The following TMEM135 variants were observed in gnomAD, a reference collection of about 807,000 sequenced individuals.
TMEM135 encodes the protein peroxisomal membrane protein 52.
In TMEM135, 30 loss-of-function variants were observed where a neutral mutation model predicts 60.3. The ratio of observed to expected loss-of-function variants is 0.50; its 90% CI spans 0.37 to 0.68. TMEM135 has a LOEUF of 0.68. Ranked by LOEUF, TMEM135 falls within the 30% of genes least tolerant of loss-of-function variation. The pLI is 0.00. For synonymous variants in TMEM135, 190 were observed against 186.7 expected (o/e 1.02, Z -0.14); for missense variants, 468 against 548.8 (o/e 0.85, Z 1.47).
At chr11:87,138,533 C>T (rs938430432) in intron 4 of TMEM135, among the ~76,000 whole-genome samples, 2 of 152,202 alleles carry the variant, frequency 1.3e-5, no homozygotes, top group Non-Finnish European at 1.5e-5. Flanking sequence ...ACTTACTTGA[C>T]ATAGTCCAAA....
chr11:87,240,223 T>A lies in TMEM135; in HGVS notation c.509+3539T>A, dbSNP rs138333933. On this transcript the variant is annotated intron_variant, in intron 6 of 14. Transcript: ENST00000305494. ...GGATTACAAGGGAAGGTGAAATATA[T>A]CCTGAGGATGTTTTGAAAGAGCTTT... Among the ~76,000 whole-genome samples, 838 of 152,216 alleles carry A rather than the reference T, an allele frequency of 5.5e-3. 8 individuals carry two copies. The highest frequency in any genetic ancestry group is 0.019 in the African/African-American group (793 of 41,542).
At chr11:87,208,490 A>C (rs982447494) in intron 5 of TMEM135, among the ~76,000 whole-genome samples, 5 of 152,044 alleles carry the variant, frequency 3.3e-5, no homozygotes, top group African/African-American at 1.2e-4. Flanking sequence ...CCACTCCTTT[A>C]AGCACGCATG....
At chr11:87,214,840 CA>C (rs1940462404) in intron 5 of TMEM135, among the ~76,000 whole-genome samples, 3 of 152,038 alleles carry the variant, frequency 2.0e-5, no homozygotes, top group Admixed American at 2.0e-4. Flanking sequence ...TGTTAGCAGC[CA>C]AAGTATGCAT....
chr11:87,254,635 C>T (rs1941485410), intron 6 of TMEM135, among the ~76,000 whole-genome samples: 1 of 152,098 alleles, frequency 6.6e-6, no homozygotes, highest in African/African-American at 2.4e-5. Context: ...AGTGCCAATG[C>T]TACTATAGAA....
intron 1 of TMEM135, among the ~76,000 whole-genome samples, chr11:87,059,560 C>G (rs1949926412): frequency 6.6e-6 from 1 of 152,108 alleles, no homozygotes; most frequent in Non-Finnish European, 1.5e-5. Context: ...TAGTGATCCA[C>G]TCGCCTCAGC....
chr11:87,218,225 T>C (rs1056605888), intron 5 of TMEM135, among the ~76,000 whole-genome samples: 2 of 152,100 alleles, frequency 1.3e-5, no homozygotes, highest in Non-Finnish European at 2.9e-5. Flanking sequence ...CAAATCTCAC[T>C]AGTGTCAGTG....
chr11:87,303,207 A>G (rs1021117613), intron 8 of TMEM135, among the ~76,000 whole-genome samples: 1 of 152,172 alleles, frequency 6.6e-6, no homozygotes, highest in Non-Finnish European at 1.5e-5. Flanking sequence ...CTCCTGTCAC[A>G]TCAGCAGTGG....
At chr11:87,142,537 C>T (rs1938291685) in intron 4 of TMEM135, among the ~76,000 whole-genome samples, 2 of 152,074 alleles carry the variant, frequency 1.3e-5, no homozygotes, top group African/African-American at 2.4e-5. Context: ...AGAAGTCTGC[C>T]ATTAATTGTG....
At chr11:87,269,302 G>T in intron 6 of TMEM135, among the ~76,000 whole-genome samples, 1 of 126,590 alleles carries the variant, frequency 7.9e-6, no homozygotes, top group African/African-American at 2.8e-5. Flanking sequence ...TTTTTTATGA[G>T]GAAGCTTTTT....
At chr11:87,278,147 T>C (rs1942001049) in intron 6 of TMEM135, among the ~76,000 whole-genome samples, 1 of 152,170 alleles carries the variant, frequency 6.6e-6, no homozygotes, top group Non-Finnish European at 1.5e-5. Context: ...GCTTTTACCT[T>C]GTATCCTTTG....
At chr11:87,147,271 C>T (rs556440921) in intron 4 of TMEM135, among the ~76,000 whole-genome samples, 53 of 152,228 alleles carry the variant, frequency 3.5e-4, no homozygotes, top group Middle Eastern at 3.4e-3. Context: ...TGCAATGAGC[C>T]GAGATCGTGC....
At chr11:87,111,668 A>AG (rs1857755352) in intron 4 of TMEM135, among the ~76,000 whole-genome samples, 2 of 150,314 alleles carry the variant, frequency 1.3e-5, no homozygotes, top group African/African-American at 4.9e-5. Flanking sequence ...AAAAAAAAAA[A>AG]AAAGAAAAAG....
chr11:87,129,064 T>C (rs1206290881), intron 4 of TMEM135, among the ~76,000 whole-genome samples: 1 of 151,714 alleles, frequency 6.6e-6, no homozygotes, highest in Non-Finnish European at 1.5e-5. Flanking sequence ...ATGTGGAGCT[T>C]TTGTGTCTTC....
At chr11:87,086,098 C>T (rs1295461589) in intron 3 of TMEM135, among the ~76,000 whole-genome samples, 1 of 152,034 alleles carries the variant, frequency 6.6e-6, no homozygotes, top group Non-Finnish European at 1.5e-5. Flanking sequence ...ATTAATTGGC[C>T]CTCCCTTGTC....
At chr11:87,127,604 A>G (rs575651277) in intron 4 of TMEM135, among the ~76,000 whole-genome samples, 3 of 152,350 alleles carry the variant, frequency 2.0e-5, no homozygotes, top group African/African-American at 7.2e-5. Context: ...AAACAAAACT[A>G]TATGCCAATT....
At chr11:87,085,258 G>A (rs915116107) in intron 3 of TMEM135, among the ~76,000 whole-genome samples, 3 of 152,134 alleles carry the variant, frequency 2.0e-5, no homozygotes, top group Non-Finnish European at 2.9e-5. Flanking sequence ...TATTCTCTCC[G>A]GGTCTGAATT....
intron 5 of TMEM135, among the ~76,000 whole-genome samples, chr11:87,199,120 G>A (rs567960536): frequency 3.3e-5 from 5 of 152,296 alleles, no homozygotes; most frequent in South Asian, 2.1e-4. Context: ...TCAGCACTTC[G>A]GGAGGCCGAG....
At chr11:87,229,854 T>C (rs1480935087) in intron 5 of TMEM135, among the ~76,000 whole-genome samples, 2 of 152,142 alleles carry the variant, frequency 1.3e-5, no homozygotes, top group African/African-American at 4.8e-5. Flanking sequence ...GGGAACTTTC[T>C]TTTTGTTGTT....
intron 5 of TMEM135, among the ~76,000 whole-genome samples, chr11:87,219,528 C>G (rs758555601): frequency 6.6e-6 from 1 of 152,078 alleles, no homozygotes; most frequent in African/African-American, 2.4e-5. Context: ...GAGCAAGGAG[C>G]AAGCATGTGA....
Sources: allele counts gnomAD v4.1 joint callset (sites outside exome capture counted in the v4.1 genomes callset), GRCh38; gene constraint gnomAD v4.1.1; transcripts MANE v1.5; gene names NCBI Gene and HGNC (gene_info 2026-07-23, HGNC 2026-07-21).